The following NCALD variants were observed in gnomAD, a reference collection of about 807,000 sequenced individuals.
NCALD encodes the protein neurocalcin-delta.
Under a neutral mutation model 18.6 loss-of-function variants are expected in NCALD, and 10 were observed. That is an observed-to-expected ratio of 0.54 (90% CI 0.33 to 0.91). The LOEUF (loss-of-function observed/expected upper bound fraction) is 0.91. Among genes scored for constraint, NCALD ranks in the 40% least tolerant of loss-of-function variants. The pLI, the probability that NCALD is intolerant of heterozygous loss-of-function variation, is 0.03. For synonymous variants in NCALD, 88 were observed against 87.4 expected, an observed-to-expected ratio of 1.01 and a Z score of -0.04; for missense variants, 184 against 247.6, an observed-to-expected ratio of 0.74 and a Z score of 1.72.
chr8:101,690,034 G>A (rs1253388958), intron 3 of NCALD, among the ~76,000 whole-genome samples: 1 of 152,210 alleles, frequency 6.6e-6, no homozygotes, highest in Non-Finnish European at 1.5e-5. Context: ...TAACCCATGG[G>A]TTTCTGCCTC....
At chr8:101,802,579 A>T (rs76383297) in intron 4 of NCALD, among the ~76,000 whole-genome samples, 10 of 143,982 alleles carry the variant, frequency 6.9e-5, no homozygotes, top group Admixed American at 3.5e-4. Flanking sequence ...ACGAATGATT[A>T]AAAAAAAAAA....
chr8:102,030,293 T>A (rs748560051), intron 1 of NCALD, among the ~76,000 whole-genome samples: 13 of 152,230 alleles, frequency 8.5e-5, no homozygotes, highest in South Asian at 8.3e-4. Flanking sequence ...GATTTTTCAG[T>A]TCACAAGAGT....
intron 4 of NCALD, among the ~76,000 whole-genome samples, chr8:101,804,546 A>G (rs576131496): frequency 0.01 from 1,270 of 124,386 alleles, 29 homozygotes; most frequent in African/African-American, 0.044. Context: ...TATAATTAAT[A>G]TAATTGATTA....
intron 4 of NCALD, among the ~76,000 whole-genome samples, chr8:101,881,756 G>A (rs78652001): frequency 0.012 from 1,880 of 152,186 alleles, 48 homozygotes; most frequent in African/African-American, 0.042. Flanking sequence ...ATATTATCAC[G>A]TTAGAATTTC....
chr8:102,088,217 T>C (rs1231460230), intron 1 of NCALD, among the ~76,000 whole-genome samples: 3 of 152,160 alleles, frequency 2.0e-5, no homozygotes, highest in Admixed American at 6.5e-5. Flanking sequence ...CTTTTCACAA[T>C]GGTGGCCCAG....
chr8:102,051,116 C>T (rs185162389), intron 1 of NCALD, among the ~76,000 whole-genome samples: 1 of 152,224 alleles, frequency 6.6e-6, no homozygotes, highest in African/African-American at 2.4e-5. Context: ...TCTGCCCTGT[C>T]TCTCAACCCC....
At chr8:101,770,642 G>A (rs1811546236) in intron 1 of NCALD, among the ~76,000 whole-genome samples, 1 of 152,180 alleles carries the variant, frequency 6.6e-6, no homozygotes, top group Non-Finnish European at 1.5e-5. Flanking sequence ...TCTGGGACAA[G>A]CAGGACTCCT....
intron 1 of NCALD, among the ~76,000 whole-genome samples, chr8:102,066,867 A>G (rs1029252400): frequency 1.3e-5 from 2 of 152,220 alleles, no homozygotes; most frequent in East Asian, 3.8e-4. Context: ...AGTTGGCCTG[A>G]CGTTGTCCTT....
At chr8:101,865,443 T>G (rs553446353) in intron 4 of NCALD, among the ~76,000 whole-genome samples, 2 of 152,290 alleles carry the variant, frequency 1.3e-5, no homozygotes, top group African/African-American at 4.8e-5. Flanking sequence ...GAATAGAAAC[T>G]AGGAATGTGG....
chr8:101,830,138 G>A (rs1048636925), intron 4 of NCALD, among the ~76,000 whole-genome samples: 7 of 152,190 alleles, frequency 4.6e-5, no homozygotes, highest in African/African-American at 1.4e-4. Flanking sequence ...TTTGGATGTC[G>A]TGAGGTTAAA....
chr8:101,934,223 T>C (rs1174626530), intron 2 of NCALD, among the ~76,000 whole-genome samples: 2 of 152,128 alleles, frequency 1.3e-5, no homozygotes, highest in Non-Finnish European at 2.9e-5. Context: ...GATATGACAA[T>C]GGTGTCAACC....
intron 1 of NCALD, among the ~76,000 whole-genome samples, chr8:102,075,345 T>C (rs1412780681): frequency 2.0e-5 from 3 of 152,186 alleles, no homozygotes; most frequent in Non-Finnish European, 2.9e-5. Flanking sequence ...TATAGGATCA[T>C]AGTAATGTAA....
chr8:101,857,913 A>G (rs1001289948), intron 4 of NCALD, among the ~76,000 whole-genome samples: 3 of 152,200 alleles, frequency 2.0e-5, no homozygotes, highest in African/African-American at 7.2e-5. Flanking sequence ...ATATTTCCTG[A>G]CAAATTAGCA....
chr8:101,913,878 G>A (rs1386164682), intron 3 of NCALD, among the ~76,000 whole-genome samples: 1 of 152,086 alleles, frequency 6.6e-6, no homozygotes, highest in African/African-American at 2.4e-5. Context: ...CACTGCGCCT[G>A]GCCTACTTAA....
chr8:102,050,838 CATTTTTAATTTAATTAATTAATTTAATT>C (rs1231574486), intron 1 of NCALD, among the ~76,000 whole-genome samples: 3 of 138,468 alleles, frequency 2.2e-5, no homozygotes, highest in Admixed American at 2.1e-4. Context: ...TTAATTTAAT[CATTTTTAATTTAATTAATTAATTTAATT>C]AATTTTTAAT....
chr8:101,873,029 A>G (rs1176078755), intron 4 of NCALD, among the ~76,000 whole-genome samples: 3 of 152,160 alleles, frequency 2.0e-5, no homozygotes, highest in Non-Finnish European at 2.9e-5. Context: ...TCTGCAGTAG[A>G]TTTCCCCACC....
chr8:101,802,387 A>G (rs1388917144), intron 4 of NCALD, among the ~76,000 whole-genome samples: 1 of 152,140 alleles, frequency 6.6e-6, no homozygotes, highest in Admixed American at 6.5e-5. Flanking sequence ...TAAGAGTTCA[A>G]GTGAAAGGAA....
intron 1 of NCALD, chr8:101,788,830 C>T (rs1812338994): frequency 6.6e-6 from 1 of 152,192 alleles, no homozygotes; most frequent in South Asian, 2.1e-4. Flanking sequence ...ACCTTGAAAT[C>T]AACATAGTCT....
At chr8:102,100,721 T>C (rs1825248574) in intron 1 of NCALD, among the ~76,000 whole-genome samples, 1 of 152,168 alleles carries the variant, frequency 6.6e-6, no homozygotes, top group Non-Finnish European at 1.5e-5. Context: ...TATTCAACCT[T>C]AAAGAGAAAG....
Sources: gnomAD v4.1 joint callset for allele counts (sites outside exome capture counted in the v4.1 genomes callset) on GRCh38, gnomAD v4.1.1 for gene constraint, MANE v1.5 for transcripts, NCBI Gene and HGNC (gene_info 2026-07-23, HGNC 2026-07-21) for gene names.